UQCRH: variants seen among roughly 807,000 people sequenced by gnomAD.
UQCRH encodes cytochrome b-c1 complex subunit 6, mitochondrial.
Under a neutral mutation model 16.3 loss-of-function variants are expected in UQCRH, and 14 were observed. That is an observed-to-expected ratio of 0.86 (90% CI 0.57 to 1.34). UQCRH has a LOEUF of 1.34. Among genes scored for constraint, UQCRH ranks in the 40% most tolerant of loss-of-function variants. The pLI, the probability that UQCRH is intolerant of heterozygous loss-of-function variation, is 0.00. For synonymous variants in UQCRH, 41 were observed against 41.9 expected (o/e 0.98, Z 0.08); for missense variants, 89 against 111.9 (o/e 0.80, Z 0.92).
chr1:46,305,834 C>G (rs1314338684), intron 1 of UQCRH, among the ~76,000 whole-genome samples: 2 of 149,658 alleles, frequency 1.3e-5, no homozygotes, highest in Non-Finnish European at 3.0e-5. Flanking sequence ...GAGACGGAAT[C>G]TTGCTCTGTC....
intron 2 of UQCRH, chr1:46,309,941 G>T (rs1661437095): frequency 3.5e-6 from 5 of 1,441,818 alleles, no homozygotes; most frequent in Non-Finnish European, 4.5e-6. Context: ...TTGGAAGGCA[G>T]GAATGTGAAA....
rs768196746 is a variant in UQCRH at position 46,303,782 on chromosome 1, G to A, written c.16G>A (p.Glu6Lys). ...GTAGCCAGACATGGGACTGGAGGAC[G>A]AGCAAAAGATGCTTACCGAATCCGG... MGLED[E>K]QKMLTESGDP... The change falls in exon 1 of 4, where the codon GAG becomes AAG. Residue 6 changes from glutamate to lysine, a missense_variant. Glu to Lys is a moderately conservative substitution (Grantham distance 56). Transcript: ENST00000311672. 3 of 1,614,146 alleles carry A rather than the reference G, an allele frequency of 1.9e-6. No individual in the cohort carries two copies. The highest frequency in any genetic ancestry group is 2.5e-6 in the Non-Finnish European group (3 of 1,180,022).
chr1:46,308,861 T>A (rs1405718781), intron 1 of UQCRH, among the ~76,000 whole-genome samples: 1 of 152,210 alleles, frequency 6.6e-6, no homozygotes, highest in Non-Finnish European at 1.5e-5. Context: ...TTTGGATAGT[T>A]ACGTTGCATA....
chr1:46,316,653 G>A lies in UQCRH; in HGVS notation c.*69G>A. ...AGAATATTTCCTTATGGTTTTGGAT[G>A]TACCATTTGTTTCTTATTTGTGTAA... On this transcript the variant is annotated 3_prime_UTR_variant, in exon 4 of 4. Transcript: ENST00000311672. The A allele has an allele frequency of 1.3e-6, 2 of 1,598,936 alleles. No individual in the cohort carries two copies. Among genetic ancestry groups the A allele is most frequent in the Non-Finnish European group, 1.7e-6 (2 of 1,174,342 alleles).
At chr1:46,306,610 G>C (rs1284150715) in intron 1 of UQCRH, among the ~76,000 whole-genome samples, 1 of 152,034 alleles carries the variant, frequency 6.6e-6, no homozygotes, top group Non-Finnish European at 1.5e-5. Flanking sequence ...TTGACCTCGT[G>C]ATCCTCCTGC....
chr1:46,310,542 C>T (rs1253272234), intron 3 of UQCRH, among the ~76,000 whole-genome samples: 3 of 152,312 alleles, frequency 2.0e-5, no homozygotes, highest in Non-Finnish European at 4.4e-5. Context: ...AGCTCAGTGC[C>T]AACCTTGAAC....
At chr1:46,311,928 CTT>C (rs544962011) in intron 3 of UQCRH, among the ~76,000 whole-genome samples, 48 of 130,510 alleles carry the variant, frequency 3.7e-4, no homozygotes, top group Admixed American at 5.5e-4. Context: ...TGCACCCAGC[CTT>C]TTTTTTTTTT....
At chr1:46,305,313 A>AC (rs1661349034) in intron 1 of UQCRH, among the ~76,000 whole-genome samples, 1 of 151,342 alleles carries the variant, frequency 6.6e-6, no homozygotes, top group African/African-American at 2.4e-5. Flanking sequence ...AAAAAAAAAA[A>AC]AAAAAAAACT....
At chr1:46,312,117 A>G (rs760768145) in intron 3 of UQCRH, among the ~76,000 whole-genome samples, 2 of 146,432 alleles carry the variant, frequency 1.4e-5, no homozygotes, top group Admixed American at 1.4e-4. Context: ...TTAATTTGAG[A>G]CTGAGTTGCA....
chr1:46,311,482 G>T (rs1661474473), intron 3 of UQCRH, among the ~76,000 whole-genome samples: 1 of 151,126 alleles, frequency 6.6e-6, no homozygotes, highest in African/African-American at 2.4e-5. Flanking sequence ...GGAGCCTGAG[G>T]CAGGAGAATG....
chr1:46,313,860 C>A (rs1044884634), intron 3 of UQCRH, among the ~76,000 whole-genome samples: 8 of 151,500 alleles, frequency 5.3e-5, no homozygotes, highest in South Asian at 4.2e-4. Context: ...AAAACAAGTT[C>A]TTTTCTCAAA....
At chr1:46,310,072 G>C in intron 2 of UQCRH, 83 bp from the exon 3 acceptor site, 1 of 1,589,170 alleles carries the variant, frequency 6.3e-7, no homozygotes, top group Non-Finnish European at 8.6e-7. Context: ...CCTTGGTTTG[G>C]TGGTTGTGTT....
At position 46,316,610 on chromosome 1, in the gene UQCRH, C is replaced by T. The variant is rs989359535; in HGVS notation, c.*26C>T. ...ATGTGTGGACTTAATTCACCCCAGTCTTCATCATCTGGGCATCAGAATATT... is the reference window on the plus strand; with the variant it reads ...ATGTGTGGACTTAATTCACCCCAGTTTTCATCATCTGGGCATCAGAATATT... On this transcript the variant is annotated 3_prime_UTR_variant, in exon 4 of 4. Coordinates refer to ENST00000311672, the MANE Select transcript of UQCRH (RefSeq NM_006004.4). The T allele has an allele frequency of 6.2e-7, 1 of 1,611,396 alleles. No individual in the cohort carries two copies.
At chr1:46,309,272 A>G in intron 2 of UQCRH, 145 bp downstream of exon 2, 1 of 928,206 alleles carries the variant, frequency 1.1e-6, no homozygotes, top group Non-Finnish European at 1.6e-6. Context: ...TGTGCAGTGG[A>G]GAGTTTAGGG....
chr1:46,311,623 T>G (rs565585768), intron 3 of UQCRH, among the ~76,000 whole-genome samples: 2 of 151,564 alleles, frequency 1.3e-5, no homozygotes, highest in South Asian at 2.1e-4. Context: ...GACGGAGTCT[T>G]GGTCTGTCGC....
chr1:46,310,075 G>T, intron 2 of UQCRH, 80 bp from the exon 3 acceptor site: 1 of 1,592,698 alleles, frequency 6.3e-7, no homozygotes. Flanking sequence ...TGGTTTGGTG[G>T]TTGTGTTAAT....
rs369745420 is a variant in UQCRH, at chr1:46,311,070, A to G, written c.243+754A>G. On this transcript the variant is annotated intron_variant, in intron 3 of 3. Coordinates refer to ENST00000311672, the MANE Select transcript of UQCRH (RefSeq NM_006004.4). The stretch of plus-strand genomic sequence containing the variant: ...GGCCTGGGCGACAGAGCGAGACTCC[A>G]TCTCAAAAAAAAAAAAAAATAATAA... Among the ~76,000 whole-genome samples the G allele has an allele frequency of 1.0e-3, 153 of 149,280 alleles. 2 individuals carry two copies. The South Asian group carries it at 0.017, about 16-fold the overall frequency.
chr1:46,310,168 CAG>C lies in UQCRH; in HGVS notation c.96_97del (p.Val33GlufsTer21), dbSNP rs1485296970. On this transcript the variant is annotated frameshift_variant, in exon 3 of 4. Coordinates refer to ENST00000311672, the MANE Select transcript of UQCRH (RefSeq NM_006004.4). LOFTEE classifies it high-confidence loss of function. ...TTTCTACATCAGGATCCCCTAACAA[CAG>C]TGAGAGAGCAATGCGAGCAGTTGGA... The C allele has an allele frequency of 6.2e-7, 1 of 1,614,182 alleles. No individual in the cohort carries two copies. The highest frequency in any genetic ancestry group is 1.1e-5 in the South Asian group (1 of 91,080).
chr1:46,315,968 T>C (rs1006741581), intron 3 of UQCRH, among the ~76,000 whole-genome samples: 1 of 152,206 alleles, frequency 6.6e-6, no homozygotes, highest in African/African-American at 2.4e-5. Context: ...ACTGAGTTTA[T>C]GAGCCAGCAT....
Sources: allele counts gnomAD v4.1 joint callset (sites outside exome capture counted in the v4.1 genomes callset), GRCh38; gene constraint gnomAD v4.1.1; transcripts MANE v1.5; gene names NCBI Gene and HGNC (gene_info 2026-07-23, HGNC 2026-07-21).